Variants in ESPL1 observed in about 807,000 individuals in gnomAD.
ESPL1 encodes the protein extra spindle pole bodies like 1, separase.
Under a neutral mutation model 217.2 loss-of-function variants are expected in ESPL1, and 50 were observed. The ratio of observed to expected loss-of-function variants is 0.23; its 90% CI spans 0.18 to 0.29. The LOEUF is 0.29. Among genes scored for constraint, ESPL1 ranks in the 10% least tolerant of loss-of-function variants. The pLI, the probability that ESPL1 is intolerant of heterozygous loss-of-function variation, is 1.00. For missense variants in ESPL1, 1,834 were observed against 2,603.0 expected (o/e 0.70, Z 6.43); for synonymous variants, 994 against 1,081.3 (o/e 0.92, Z 1.58).
Position 53,272,951 on chromosome 12 carries a change from G to C in ESPL1, c.1506+94G>C, listed in dbSNP as rs541531280. On this transcript the variant is annotated intron_variant, in intron 6 of 30. Coordinates refer to ENST00000257934, the MANE Select transcript of ESPL1 (RefSeq NM_012291.5). ...CTCACCAGCACCCTGCCTTGGAGTG[G>C]GAGGTTAATAGCAGCATGTTGACAC... 17 of 1,347,814 alleles carry C rather than the reference G, an allele frequency of 1.3e-5. No individual in the cohort carries two copies. The Admixed American group carries it at 3.1e-4, about 24-fold the overall frequency. 83.5% of individuals were successfully genotyped at this position (1,347,814 alleles called of 1,614,324 possible).
At position 53,282,507 on chromosome 12, in the gene ESPL1, C is replaced by A; in HGVS notation, c.2791+72C>A. On this transcript the variant is annotated intron_variant, in intron 14 of 30. Coordinates refer to ENST00000257934, the MANE Select transcript of ESPL1 (RefSeq NM_012291.5). The surrounding 1 kb of genome is among the most constrained non-coding windows in gnomAD (Gnocchi z 4.0). Reference sequence around the variant, plus strand: ...TGTCTGCTGTCAGCTCTTCTCAAACCTCATCCCCTCTGCTGGCTAACTATG... The same window carrying A: ...TGTCTGCTGTCAGCTCTTCTCAAACATCATCCCCTCTGCTGGCTAACTATG... The A allele has an allele frequency of 7.2e-7, 1 of 1,392,316 alleles. No individual in the cohort carries two copies. Among genetic ancestry groups the A allele is most frequent in the South Asian group, 1.2e-5 (1 of 80,866 alleles). 86.2% of individuals were successfully genotyped at this position (1,392,316 alleles called of 1,614,324 possible). A position where few individuals can be genotyped will look rare whatever the true frequency, so the allele number is the denominator to read the frequency against.
intron 18 of ESPL1, 46 bp from the exon 19 acceptor site, chr12:53,287,926 G>T: frequency 6.6e-7 from 1 of 1,521,748 alleles, no homozygotes; most frequent in Non-Finnish European, 8.8e-7. Flanking sequence ...AAGGTGTCTT[G>T]TCACTGAAGA....
At position 53,290,131 on chromosome 12, in the gene ESPL1, C is replaced by T. The variant is rs140195222; in HGVS notation, c.5160C>T (p.Thr1720=). The part of the protein sequence containing the change: ...VLALATLQPG[T]VGNTLLLTRL... ...CCCTGGCCACCCTCCAGCCCGGAACCGTGGGCAACACCCTCCTGCTGACCC... is the reference window on the plus strand; with the variant it reads ...CCCTGGCCACCCTCCAGCCCGGAACTGTGGGCAACACCCTCCTGCTGACCC... The change falls in exon 23 of 31, where the codon ACC becomes ACT. Residue 1720 remains threonine (T), a synonymous_variant. Transcript: ENST00000257934. The T allele has an allele frequency of 5.5e-5, 89 of 1,613,632 alleles. No individual in the cohort carries two copies. The African/African-American group carries it at 1.0e-3, about 19-fold the overall frequency.
rs139523603 is a variant in ESPL1 at position 53,285,968 on chromosome 12, C to A, written c.3232C>A (p.His1078Asn). 7.3e-4 allele frequency: 1,141 copies of A among 1,566,022 alleles called. 13 individuals are homozygous for A. In the South Asian group the frequency reaches 0.011, roughly 15 times the overall value. Residue 1078 changes from histidine to asparagine, a missense_variant, in exon 18 of 31, where the codon CAC (histidine) becomes AAC (asparagine). By Grantham distance (68) the His-to-Asn change is moderately conservative (BLOSUM62 1). Coordinates refer to ENST00000257934, the MANE Select transcript of ESPL1 (RefSeq NM_012291.5). ...GCACCTGGACTCTGTGAAGAAGGTC[C>A]ACCTGCAGAAGGGGAAGCAGCAGGC... ...TQHLDSVKKV[H>N]LQKGKQQAQV...
In ESPL1 at chr12:53,288,322, C is replaced by T. The variant is rs564040543; in HGVS notation, c.4527C>T (p.Asp1509=). 6.2e-6 allele frequency: 10 copies of T among 1,600,064 alleles called. No homozygotes were observed. The highest frequency in any genetic ancestry group is 4.5e-5 in the East Asian group (2 of 44,548). The change falls in exon 19 of 31, where the codon GAC becomes GAT. Residue 1509 remains aspartate, a synonymous_variant. Coordinates refer to ENST00000257934, the MANE Select transcript of ESPL1 (RefSeq NM_012291.5). ...GCTTTGAGATCCTCAGGGGCTCTGA[C>T]GGGGAAGACTCAGCCTCAGGTAGGA... ...KMSFEILRGS[D]GEDSASGGKT... is the part of the protein sequence containing the mutation.
rs146497037 is a variant in ESPL1 at position 53,293,586 on chromosome 12, T to C, written c.*112T>C. The C allele has an allele frequency of 5.3e-4, 427 of 807,094 alleles. 3 individuals carry two copies. In the African/African-American group the frequency reaches 6.6e-3, roughly 13 times the overall value. The allele number at this position is 807,094 out of a possible 1,614,324, so 50.0% of individuals were successfully genotyped here. A position where few individuals can be genotyped will look rare whatever the true frequency, so the allele number is the denominator to read the frequency against. ...AAGTGATTTTCCCCAGTGTTTTATA[T>C]GAAACATTTCCTTTTGATTTAACCT... On this transcript the variant is annotated 3_prime_UTR_variant, in exon 31 of 31. Transcript: ENST00000257934. The surrounding 1 kb of genome is among the most constrained non-coding windows in gnomAD (Gnocchi z 4.2).
At chr12:53,281,669 A>G in intron 13 of ESPL1, 43 bp downstream of exon 13, 1 of 1,589,462 alleles carries the variant, frequency 6.3e-7, no homozygotes, top group African/African-American at 1.4e-5. Flanking sequence ...TGGGTATTAG[A>G]AAGAATTTAG....
At position 53,288,864 on chromosome 12, in the gene ESPL1, C is replaced by T. The variant is rs141148512; in HGVS notation, c.4708+165C>T. The T allele has an allele frequency of 2.5e-3, 1,805 of 727,230 alleles. 16 individuals carry two copies. The highest frequency in any genetic ancestry group is 0.018 in the African/African-American group (985 of 56,072). 45.0% of individuals were successfully genotyped at this position (727,230 alleles called of 1,614,324 possible). On this transcript the variant is annotated intron_variant, in intron 20 of 30. Coordinates refer to ENST00000257934, the MANE Select transcript of ESPL1 (RefSeq NM_012291.5). ...ATGAGCTGTGTGCAGGTCACTTAAC[C>T]TCTCCAAGCTTCTATTCCTTCTGTA...
chr12:53,268,409 A>C, intron 1 of ESPL1, 32 bp downstream of exon 1: 3 of 250,408 alleles, frequency 1.2e-5, no homozygotes, highest in Non-Finnish European at 2.3e-5. Context: ...GAGCGTGGGT[A>C]CGTGCTGAAG....
chr12:53,279,014 C>A (rs1295779303), intron 11 of ESPL1, among the ~76,000 whole-genome samples: 1 of 152,188 alleles, frequency 6.6e-6, no homozygotes, highest in Non-Finnish European at 1.5e-5. Flanking sequence ...CACTCAGCCT[C>A]CTGAGTAGCT....
chr12:53,289,368 G>A (rs1944012993), intron 21 of ESPL1, 36 bp from the exon 22 acceptor site: 8 of 1,610,698 alleles, frequency 5.0e-6, no homozygotes, highest in Non-Finnish European at 5.9e-6. Flanking sequence ...AGACTTTGAA[G>A]GAATGGGACC....
chr12:53,281,465 C>A, intron 12 of ESPL1, 42 bp from the exon 13 acceptor site: 1 of 1,603,142 alleles, frequency 6.2e-7, no homozygotes, highest in Non-Finnish European at 8.5e-7. Context: ...GTTTGAAGAG[C>A]CTGGCTGCCT....
At chr12:53,270,216 C>G in intron 3 of ESPL1, 131 bp downstream of exon 3, 1 of 979,756 alleles carries the variant, frequency 1.0e-6, no homozygotes, top group Non-Finnish European at 1.6e-6. Context: ...GCCTAGCGAG[C>G]CAGCAAACAG....
In ESPL1 at chr12:53,286,505, C is replaced by A; in HGVS notation, c.3769C>A (p.Arg1257=). Residue 1257 remains arginine, a synonymous_variant, in exon 18 of 31, where the codon CGG becomes AGG. Coordinates refer to ENST00000257934, the MANE Select transcript of ESPL1 (RefSeq NM_012291.5). The surrounding 1 kb of genome is among the most constrained non-coding windows in gnomAD (Gnocchi z 5.3). ...LQSGLKFVAA[R]IPHLEPWRAS... ...GTCAGGGCTGAAGTTTGTAGCAGCACGGATACCCCACCTAGAGCCCTGGCG... is the reference window on the plus strand; with the variant it reads ...GTCAGGGCTGAAGTTTGTAGCAGCAAGGATACCCCACCTAGAGCCCTGGCG... 6.2e-7 allele frequency: 1 copy of A among 1,614,218 alleles called. No homozygotes were observed. Among genetic ancestry groups the A allele is most frequent in the Non-Finnish European group, 8.5e-7 (1 of 1,180,044 alleles).
Position 53,292,028 on chromosome 12 carries a change from ACTGC to A in ESPL1, c.5740_5743del (p.Pro1914SerfsTer25). On this transcript the variant is annotated frameshift_variant, in exon 27 of 31. Transcript: ENST00000257934. LOFTEE classifies it high-confidence loss of function. This position sits in a 1 kb window ranked among gnomAD's most constrained non-coding sequence, Gnocchi z 4.5. ...GGGAAAGCATGCCCAGCCTCCAAGC[ACTGC>A]CTGTCACCCGGCTGCCCTCCTTCCG... 6.2e-7 allele frequency: 1 copy of A among 1,614,128 alleles called. No individual in the cohort carries two copies. Among genetic ancestry groups the A allele is most frequent in the South Asian group, 1.1e-5 (1 of 91,088 alleles).
intron 6 of ESPL1, 22 bp from the exon 7 acceptor site, chr12:53,274,795 T>C (rs1565753662): frequency 1.2e-6 from 2 of 1,607,846 alleles, no homozygotes. Context: ...TCCAGTTTGG[T>C]CTGTTCCCTT....
intron 20 of ESPL1, 63 bp downstream of exon 20, chr12:53,288,762 C>T (rs1944002499): frequency 1.4e-6 from 2 of 1,467,594 alleles, no homozygotes; most frequent in Non-Finnish European, 1.9e-6. Context: ...GCTTTTGACC[C>T]CTCTGTCTTT....
At chr12:53,280,267 T>C (rs1406793895) in intron 12 of ESPL1, among the ~76,000 whole-genome samples, 6 of 152,204 alleles carry the variant, frequency 3.9e-5, no homozygotes, top group Non-Finnish European at 7.3e-5. Flanking sequence ...GTAATCTCTT[T>C]CCTGCTTAAC....
chr12:53,289,058 C>T, intron 20 of ESPL1, 32 bp from the exon 21 acceptor site: 1 of 1,516,444 alleles, frequency 6.6e-7, no homozygotes, highest in South Asian at 1.1e-5. Context: ...ATAAGGAATT[C>T]AGCTGTACCA....
Sources: allele counts gnomAD v4.1 joint callset (sites outside exome capture counted in the v4.1 genomes callset), GRCh38; gene constraint gnomAD v4.1.1; non-coding constraint Gnocchi (gnomAD v3.1); transcripts MANE v1.5; gene names NCBI Gene and HGNC (gene_info 2026-07-23, HGNC 2026-07-21).